Variants in PCDH15 observed in about 807,000 individuals in gnomAD.
PCDH15 encodes protocadherin related 15.
Under a neutral mutation model 178.5 loss-of-function variants are expected in PCDH15, and 129 were observed. That is an observed-to-expected ratio of 0.72 (90% CI 0.63 to 0.84). The LOEUF is 0.84. PCDH15 is among the 40% of genes least tolerant of loss of function. PCDH15 has a pLI of 0.00. For missense variants in PCDH15, 2,230 were observed against 2,099.9 expected (o/e 1.06, Z -1.21); for synonymous variants, 800 against 732.0 (o/e 1.09, Z -1.50).
chr10:54,843,322 AGCTTAACAATCAG>A (rs1382790813), intron 3 of PCDH15, among the ~76,000 whole-genome samples: 1 of 151,960 alleles, frequency 6.6e-6, no homozygotes, highest in Non-Finnish European at 1.5e-5. Flanking sequence ...TTAATATGTA[AGCTTAACAATCAG>A]GCAAATCTAA....
rs547740173 is a variant in PCDH15 at position 54,889,798 on chromosome 10, G to T, written c.-29+7652C>A. On this transcript the variant is annotated intron_variant, in intron 3 of 5. Transcript: ENST00000458638. Reference sequence around the variant, plus strand: ...TAATCATTCTTACATTCTTTAAAGAGAATGTGATATAAATAATCACTTTTT... The same window carrying T: ...TAATCATTCTTACATTCTTTAAAGATAATGTGATATAAATAATCACTTTTT... Among the ~76,000 whole-genome samples the T allele has an allele frequency of 2.6e-5, 4 of 151,702 alleles. No individual in the cohort carries two copies. The South Asian group carries it at 8.3e-4, about 31-fold the overall frequency.
chr10:55,096,290 T>C (rs1842449254), intron 2 of PCDH15, among the ~76,000 whole-genome samples: 1 of 152,180 alleles, frequency 6.6e-6, no homozygotes, highest in African/African-American at 2.4e-5. Flanking sequence ...TTAACTCAAT[T>C]GGTCTCTCCA....
At chr10:55,333,283 C>T (rs1250191605) in intron 2 of PCDH15, among the ~76,000 whole-genome samples, 1 of 152,062 alleles carries the variant, frequency 6.6e-6, no homozygotes, top group African/African-American at 2.4e-5. Flanking sequence ...CAGATTAATA[C>T]TTTACAGATT....
chr10:53,993,967 T>G (rs1449271784), intron 21 of PCDH15, among the ~76,000 whole-genome samples: 2 of 152,204 alleles, frequency 1.3e-5, no homozygotes, highest in African/African-American at 2.4e-5. Flanking sequence ...CGCTAAAAAT[T>G]ACTACTGGGA....
At chr10:54,059,396 C>A (rs1054320689) in intron 18 of PCDH15, among the ~76,000 whole-genome samples, 4 of 152,270 alleles carry the variant, frequency 2.6e-5, no homozygotes, top group Admixed American at 1.3e-4. Context: ...ACAGACCCAG[C>A]TTTACCCTAT....
At chr10:54,836,630 C>A (rs952650638) in intron 3 of PCDH15, among the ~76,000 whole-genome samples, 120 of 151,666 alleles carry the variant, frequency 7.9e-4, no homozygotes, top group African/African-American at 2.6e-3. Flanking sequence ...AAAAAATTAG[C>A]TGAGAAAAAA....
At chr10:54,866,177 T>C (rs1591752017) in intron 3 of PCDH15, among the ~76,000 whole-genome samples, 1 of 152,228 alleles carries the variant, frequency 6.6e-6, no homozygotes, top group Non-Finnish European at 1.5e-5. Context: ...AATAGTTTAG[T>C]TCATGCGTTA....
intron 3 of PCDH15, among the ~76,000 whole-genome samples, chr10:54,393,892 T>C (rs1473983166): frequency 6.6e-6 from 1 of 152,194 alleles, no homozygotes; most frequent in Non-Finnish European, 1.5e-5. Context: ...CTAATTTTGA[T>C]GGGCAGAAGT....
At chr10:54,176,002 AGGGG>A (rs2047395770) in intron 13 of PCDH15, among the ~76,000 whole-genome samples, 1 of 152,176 alleles carries the variant, frequency 6.6e-6, no homozygotes, top group South Asian at 2.1e-4. Context: ...AAGAGCAGGA[AGGGG>A]TAGCTTGGCT....
At chr10:55,073,701 T>A (rs1035493031) in intron 2 of PCDH15, among the ~76,000 whole-genome samples, 23 of 152,146 alleles carry the variant, frequency 1.5e-4, no homozygotes, top group African/African-American at 5.1e-4. Flanking sequence ...CAATTTTTTA[T>A]AATACTTTGA....
chr10:54,220,586 G>A (rs948927230), intron 9 of PCDH15, among the ~76,000 whole-genome samples: 1 of 152,162 alleles, frequency 6.6e-6, no homozygotes, highest in Admixed American at 6.6e-5. Context: ...AGCACTTTGG[G>A]AGGCCGAGAC....
At chr10:54,995,003 G>A (rs1165267611) in intron 2 of PCDH15, among the ~76,000 whole-genome samples, 1 of 152,056 alleles carries the variant, frequency 6.6e-6, no homozygotes, top group African/African-American at 2.4e-5. Flanking sequence ...TTTCTTTAAT[G>A]ACTAAACATC....
At chr10:53,991,154 T>C (rs2091450462) in intron 21 of PCDH15, among the ~76,000 whole-genome samples, 1 of 152,070 alleles carries the variant, frequency 6.6e-6, no homozygotes, top group Non-Finnish European at 1.5e-5. Context: ...CCCTGCTCCA[T>C]GGCGCCCGGT....
intron 8 of PCDH15, among the ~76,000 whole-genome samples, chr10:54,265,282 A>G (rs1007411234): frequency 2.0e-5 from 3 of 152,144 alleles, no homozygotes; most frequent in African/African-American, 4.8e-5. Flanking sequence ...TGGATGTGAA[A>G]GAACAATACA....
At chr10:55,575,105 G>A (rs1407320813) in intron 2 of PCDH15, among the ~76,000 whole-genome samples, 1 of 152,082 alleles carries the variant, frequency 6.6e-6, no homozygotes, top group Non-Finnish European at 1.5e-5. Context: ...AAGGATTGCA[G>A]TGGAAGCAGT....
chr10:54,880,756 A>C (rs1954248229), intron 3 of PCDH15, among the ~76,000 whole-genome samples: 1 of 149,206 alleles, frequency 6.7e-6, no homozygotes, highest in Non-Finnish European at 1.5e-5. Context: ...TTTCCACATA[A>C]GGAATGAGAG....
chr10:55,566,969 A>C (rs1023582104), intron 2 of PCDH15, among the ~76,000 whole-genome samples: 2 of 151,906 alleles, frequency 1.3e-5, no homozygotes, highest in Non-Finnish European at 2.9e-5. Context: ...GAGACTCCAA[A>C]TAGCTAAATT....
chr10:54,388,771 G>A (rs183688925), intron 3 of PCDH15, among the ~76,000 whole-genome samples: 4 of 152,124 alleles, frequency 2.6e-5, no homozygotes, highest in Non-Finnish European at 5.9e-5. Flanking sequence ...TTGGAAAGAC[G>A]TTCTCTGAGC....
At chr10:54,673,807 G>A (rs2094725367) in intron 1 of PCDH15, among the ~76,000 whole-genome samples, 1 of 151,984 alleles carries the variant, frequency 6.6e-6, no homozygotes, top group Non-Finnish European at 1.5e-5. Flanking sequence ...AATACTGATT[G>A]GGAAATACAA....
Sources: gnomAD v4.1 joint callset for allele counts (sites outside exome capture counted in the v4.1 genomes callset) on GRCh38, gnomAD v4.1.1 for gene constraint, MANE v1.5 for transcripts, NCBI Gene and HGNC (gene_info 2026-07-23, HGNC 2026-07-21) for gene names.